SFMBT2: variants seen among roughly 807,000 people sequenced by gnomAD.
The protein encoded by SFMBT2 is scm-like with four MBT domains protein 2.
In SFMBT2, 38 loss-of-function variants were observed where a neutral mutation model predicts 110.1. That is an observed-to-expected ratio of 0.35 (90% CI 0.27 to 0.45). The LOEUF (loss-of-function observed/expected upper bound fraction) is 0.45. SFMBT2 is among the 20% of genes least tolerant of loss of function. The probability of loss-of-function intolerance (pLI) is 1.00; values close to 1 mark genes in which losing one functional copy is unlikely to be tolerated. For missense variants in SFMBT2, 1,011 were observed against 1,094.9 expected, an observed-to-expected ratio of 0.92 and a Z score of 1.08; for synonymous variants, 425 against 425.4, an observed-to-expected ratio of 1.00 and a Z score of 0.01.
chr10:7,263,531 C>T (rs979694414), intron 7 of SFMBT2, among the ~76,000 whole-genome samples: 9 of 152,324 alleles, frequency 5.9e-5, no homozygotes, highest in Admixed American at 4.6e-4. Context: ...TGTGAGCCAC[C>T]GTGCCCGGCC....
At chr10:7,305,246 C>T (rs1044599875) in intron 4 of SFMBT2, among the ~76,000 whole-genome samples, 4 of 152,204 alleles carry the variant, frequency 2.6e-5, no homozygotes, top group African/African-American at 9.7e-5. Context: ...GTGCAAAGTA[C>T]TTGGCATGAT....
rs72775587 is a variant in SFMBT2, at chr10:7,408,929, G to A, written c.-52+1932C>T. ...AAGATGCCCCTCTCCGATGCGCCGA[G>A]AGGGTTCCTAAGCCGAGCAAGGGAC... is the stretch of plus-strand genomic sequence containing the variant. On this transcript the variant is annotated intron_variant, in intron 1 of 20. Coordinates refer to ENST00000397167, the MANE Select transcript of SFMBT2 (RefSeq NM_001387889.1). The surrounding 1 kb of genome is among the most constrained non-coding windows in gnomAD (Gnocchi z 5.7). Among the ~76,000 whole-genome samples the A allele has an allele frequency of 0.019, 2,828 of 152,212 alleles. 42 individuals carry two copies. The highest frequency in any genetic ancestry group is 0.027 in the Non-Finnish European group (1,825 of 68,024).
chr10:7,268,237 G>C (rs1428056726), intron 7 of SFMBT2, among the ~76,000 whole-genome samples: 1 of 152,120 alleles, frequency 6.6e-6, no homozygotes, highest in Admixed American at 6.5e-5. Context: ...TGGTCTCTTA[G>C]TATACACTCA....
chr10:7,178,051 C>T (rs1838131111), intron 16 of SFMBT2, among the ~76,000 whole-genome samples: 4 of 152,178 alleles, frequency 2.6e-5, no homozygotes, highest in South Asian at 4.1e-4. Context: ...GAATAAACAT[C>T]GTTGCAAAAG....
chr10:7,271,335 T>C (rs1011661580), intron 7 of SFMBT2, among the ~76,000 whole-genome samples: 4 of 147,084 alleles, frequency 2.7e-5, no homozygotes, highest in Non-Finnish European at 6.0e-5. Context: ...GTTGAAGACA[T>C]ATGTCCATGA....
chr10:7,182,562 T>C (rs1033887656), intron 16 of SFMBT2, among the ~76,000 whole-genome samples: 5 of 152,008 alleles, frequency 3.3e-5, no homozygotes, highest in African/African-American at 9.7e-5. Context: ...TTCATGTCCT[T>C]GGTAGGGACA....
intron 2 of SFMBT2, among the ~76,000 whole-genome samples, chr10:7,372,548 C>T (rs1424117175): frequency 6.6e-6 from 1 of 152,224 alleles, no homozygotes; most frequent in East Asian, 1.9e-4. Context: ...AATAAGTCAA[C>T]AGGTCCTGCA....
chr10:7,271,319 C>T (rs1012423995), intron 7 of SFMBT2, among the ~76,000 whole-genome samples: 2 of 131,862 alleles, frequency 1.5e-5, no homozygotes, highest in South Asian at 2.4e-4. Context: ...AAATTAAATT[C>T]AAGGAGTTGA....
At chr10:7,402,755 C>T (rs1360222909) in intron 1 of SFMBT2, among the ~76,000 whole-genome samples, 2 of 152,130 alleles carry the variant, frequency 1.3e-5, no homozygotes, top group African/African-American at 4.8e-5. Context: ...ACCTGGGACT[C>T]GCAAAAAGAG....
intron 7 of SFMBT2, among the ~76,000 whole-genome samples, chr10:7,252,054 C>T (rs563854287): frequency 7.9e-5 from 12 of 152,350 alleles, no homozygotes; most frequent in African/African-American, 2.9e-4. Context: ...TGAGTAGAGT[C>T]AGCTTTCTAA....
chr10:7,218,944 G>C (rs1357319210), intron 11 of SFMBT2, among the ~76,000 whole-genome samples: 3 of 152,282 alleles, frequency 2.0e-5, no homozygotes, highest in Middle Eastern at 3.4e-3. Context: ...CATAAAGCAT[G>C]CTGAAAGTAG....
chr10:7,238,133 A>G (rs1232201949), intron 9 of SFMBT2, among the ~76,000 whole-genome samples: 3 of 152,152 alleles, frequency 2.0e-5, no homozygotes, highest in Non-Finnish European at 4.4e-5. Flanking sequence ...CCCATGGTTT[A>G]TGTTCTAACA....
intron 7 of SFMBT2, among the ~76,000 whole-genome samples, chr10:7,261,379 T>C (rs75329439): frequency 1.3e-5 from 2 of 152,190 alleles, no homozygotes; most frequent in Non-Finnish European, 2.9e-5. Context: ...CCAGGGTTTG[T>C]AACACTCTGG....
At chr10:7,234,524 G>A (rs773485345) in intron 9 of SFMBT2, among the ~76,000 whole-genome samples, 1 of 152,048 alleles carries the variant, frequency 6.6e-6, no homozygotes, top group Non-Finnish European at 1.5e-5. Flanking sequence ...AACATAAAAG[G>A]TTCTTCTTAG....
At chr10:7,361,894 A>C (rs894044458) in intron 4 of SFMBT2, among the ~76,000 whole-genome samples, 15 of 152,256 alleles carry the variant, frequency 9.9e-5, no homozygotes, top group African/African-American at 3.6e-4. Flanking sequence ...GCACCGACTA[A>C]ATCTCCAAAG....
chr10:7,379,467 C>G (rs2132077949), intron 2 of SFMBT2, among the ~76,000 whole-genome samples: 1 of 152,142 alleles, frequency 6.6e-6, no homozygotes, highest in South Asian at 2.1e-4. Flanking sequence ...TGAAAATGCT[C>G]AAAACTAGAT....
chr10:7,394,804 C>T (rs939616181), intron 1 of SFMBT2, among the ~76,000 whole-genome samples: 5 of 152,114 alleles, frequency 3.3e-5, no homozygotes, highest in East Asian at 3.9e-4. Context: ...ATAATCTACA[C>T]GAACTGCTTC....
chr10:7,366,298 T>C (rs1442265032), intron 4 of SFMBT2, among the ~76,000 whole-genome samples: 2 of 152,120 alleles, frequency 1.3e-5, no homozygotes, highest in African/African-American at 2.4e-5. Context: ...TCCTGACAAA[T>C]GTCACATAAA....
chr10:7,393,194 C>G (rs1323547607), intron 1 of SFMBT2, among the ~76,000 whole-genome samples: 1 of 151,536 alleles, frequency 6.6e-6, no homozygotes, highest in African/African-American at 2.4e-5. Context: ...CCACACCTGG[C>G]TAATGTTTGT....
Sources: allele counts gnomAD v4.1 joint callset (sites outside exome capture counted in the v4.1 genomes callset), GRCh38; gene constraint gnomAD v4.1.1; non-coding constraint Gnocchi (gnomAD v3.1); transcripts MANE v1.5; gene names NCBI Gene and HGNC (gene_info 2026-07-23, HGNC 2026-07-21).